The following SUPT3H variants were observed in gnomAD, a reference collection of about 807,000 sequenced individuals.
SUPT3H encodes the protein SPT3 homolog, SAGA and STAGA complex component.
In SUPT3H, 44 loss-of-function variants were observed where a neutral mutation model predicts 44.3. The observed-to-expected ratio is 0.99, with a 90% CI of 0.78 to 1.28. The LOEUF is 1.28. Among genes scored for constraint, SUPT3H ranks in the 50% most tolerant of loss-of-function variants. The probability of loss-of-function intolerance (pLI) is 0.00; values close to 1 mark genes in which losing one functional copy is unlikely to be tolerated. For synonymous variants in SUPT3H, 124 were observed against 125.6 expected (o/e 0.99, Z 0.09); for missense variants, 380 against 387.1 (o/e 0.98, Z 0.15).
chr6:45,132,733 TAAAA>T (rs1803664084), intron 2 of SUPT3H, among the ~76,000 whole-genome samples: 3 of 152,172 alleles, frequency 2.0e-5, no homozygotes, highest in Admixed American at 1.3e-4. Context: ...ATTCTATTCT[TAAAA>T]AAATTTCCTT....
chr6:45,059,739 T>C (rs1248345960), intron 3 of SUPT3H, among the ~76,000 whole-genome samples: 1 of 152,050 alleles, frequency 6.6e-6, no homozygotes, highest in Non-Finnish European at 1.5e-5. Context: ...TTCAGCAAAT[T>C]CTCAGGTTAT....
chr6:45,142,978 T>G (rs1325757074), intron 2 of SUPT3H, among the ~76,000 whole-genome samples: 2 of 151,578 alleles, frequency 1.3e-5, no homozygotes, highest in Non-Finnish European at 2.9e-5. Context: ...GGACATTACA[T>G]AATAAAAGAG....
intron 10 of SUPT3H, among the ~76,000 whole-genome samples, chr6:44,849,451 T>A (rs1217375459): frequency 6.6e-6 from 1 of 151,722 alleles, no homozygotes; most frequent in Non-Finnish European, 1.5e-5. Flanking sequence ...ATGGTCTCGA[T>A]CTCCTGACCT....
intron 10 of SUPT3H, among the ~76,000 whole-genome samples, chr6:44,932,060 C>T (rs1047344610): frequency 3.3e-5 from 5 of 151,830 alleles, no homozygotes; most frequent in African/African-American, 1.2e-4. Context: ...TTTAAAGGGC[C>T]ATAAGATGAG....
chr6:45,272,039 G>A (rs1776276505), intron 2 of SUPT3H, among the ~76,000 whole-genome samples: 1 of 152,200 alleles, frequency 6.6e-6, no homozygotes, highest in Non-Finnish European at 1.5e-5. Context: ...TTTACCCAAT[G>A]ATGTACTCCC....
intron 10 of SUPT3H, among the ~76,000 whole-genome samples, chr6:44,874,864 A>G (rs1216004637): frequency 1.4e-5 from 2 of 141,966 alleles, no homozygotes; most frequent in Non-Finnish European, 3.0e-5. Flanking sequence ...ACAACAGACA[A>G]ACAGAGAGGC....
intron 2 of SUPT3H, 48 bp downstream of exon 2, chr6:45,365,153 G>T (rs772665946): frequency 1.8e-6 from 2 of 1,138,012 alleles, no homozygotes; most frequent in Admixed American, 2.1e-5. Context: ...CTTTCAACAT[G>T]AATAAATTTA....
chr6:44,942,027 G>A (rs1216308935), intron 9 of SUPT3H, among the ~76,000 whole-genome samples: 2 of 152,136 alleles, frequency 1.3e-5, no homozygotes, highest in Non-Finnish European at 2.9e-5. Flanking sequence ...GGAAAACTTT[G>A]TTGTAAAATA....
chr6:45,328,642 G>A (rs147660809), intron 2 of SUPT3H: 23 of 1,610,120 alleles, frequency 1.4e-5, no homozygotes, highest in Admixed American at 1.7e-5. Context: ...CAAGGTTTGG[G>A]TATGGTTTGT....
intron 9 of SUPT3H, among the ~76,000 whole-genome samples, chr6:44,935,134 CG>C: frequency 6.6e-6 from 1 of 151,756 alleles, no homozygotes; most frequent in Non-Finnish European, 1.5e-5. Flanking sequence ...TTGAGTTCTC[CG>C]GAAGGAAGCC....
At position 44,884,972 on chromosome 6, in the gene SUPT3H, C is replaced by G. The variant is rs915258825; in HGVS notation, c.912+47681G>C. On this transcript the variant is annotated intron_variant, in intron 10 of 10. Transcript: ENST00000371459. ...CGCACCAGGAGATTATATCCTGCAC[C>G]TGGCTCGGAGGGTCCTACGCCCACG... Among the ~76,000 whole-genome samples the G allele has an allele frequency of 2.6e-5, 4 of 152,206 alleles. No individual in the cohort carries two copies. The South Asian group carries it at 6.2e-4, about 24-fold the overall frequency.
At chr6:45,318,392 T>C (rs1242833898) in intron 2 of SUPT3H, among the ~76,000 whole-genome samples, 3 of 151,940 alleles carry the variant, frequency 2.0e-5, no homozygotes, top group Non-Finnish European at 2.9e-5. Flanking sequence ...AAAGAAAAAA[T>C]CCTAATGTAA....
At chr6:44,968,425 G>T (rs1777083566) in intron 6 of SUPT3H, among the ~76,000 whole-genome samples, 1 of 152,160 alleles carries the variant, frequency 6.6e-6, no homozygotes, top group Non-Finnish European at 1.5e-5. Context: ...TGTAGGTAAA[G>T]AAGCTGAGGT....
chr6:45,271,354 G>T (rs1373319635), intron 2 of SUPT3H, among the ~76,000 whole-genome samples: 1 of 152,158 alleles, frequency 6.6e-6, no homozygotes, highest in Non-Finnish European at 1.5e-5. Context: ...CAGGCCCAGG[G>T]TCCCCGCGGT....
At chr6:45,243,855 C>T (rs1229021978) in intron 2 of SUPT3H, among the ~76,000 whole-genome samples, 1 of 152,086 alleles carries the variant, frequency 6.6e-6, no homozygotes, top group Non-Finnish European at 1.5e-5. Flanking sequence ...TATACCCGAT[C>T]TGTTTTATAT....
At chr6:45,339,305 G>A (rs372799818) in intron 2 of SUPT3H, among the ~76,000 whole-genome samples, 3 of 152,120 alleles carry the variant, frequency 2.0e-5, no homozygotes, top group Non-Finnish European at 4.4e-5. Flanking sequence ...CTTGTGGAGA[G>A]AAAGCCTTCA....
intron 2 of SUPT3H, among the ~76,000 whole-genome samples, chr6:45,127,332 TA>T (rs1447708423): frequency 6.6e-6 from 1 of 151,874 alleles, no homozygotes; most frequent in Non-Finnish European, 1.5e-5. Flanking sequence ...TAAATAATAA[TA>T]AAAATAACAA....
At chr6:45,077,638 A>AAAAAAAAAAAG (rs1554233623) in intron 3 of SUPT3H, among the ~76,000 whole-genome samples, 1 of 86,846 alleles carries the variant, frequency 1.2e-5, no homozygotes, top group Non-Finnish European at 2.1e-5. Flanking sequence ...AAAAAAAAAA[A>AAAAAAAAAAAG]AAAAGAAAAG....
At chr6:44,830,503 C>T (rs1278666715) in intron 10 of SUPT3H, among the ~76,000 whole-genome samples, 1 of 152,098 alleles carries the variant, frequency 6.6e-6, no homozygotes, top group Non-Finnish European at 1.5e-5. Flanking sequence ...AAAATGGATT[C>T]TAAGTGCAAT....
Sources: gnomAD v4.1 joint callset for allele counts (sites outside exome capture counted in the v4.1 genomes callset) on GRCh38, gnomAD v4.1.1 for gene constraint, MANE v1.5 for transcripts, NCBI Gene and HGNC (gene_info 2026-07-23, HGNC 2026-07-21) for gene names.